TMEM178B: variants seen among roughly 807,000 people sequenced by gnomAD.
TMEM178B encodes transmembrane protein 178B.
A neutral mutation model predicts 31.0 loss-of-function variants in TMEM178B; 5 were observed. The observed-to-expected ratio is 0.16, with a 90% CI of 0.08 to 0.34. TMEM178B has a LOEUF of 0.34. TMEM178B is among the 10% of genes least tolerant of loss of function. The pLI, the probability that TMEM178B is intolerant of heterozygous loss-of-function variation, is 1.00. For synonymous variants in TMEM178B, 164 were observed against 164.0 expected (o/e 1.00, Z 0.00); for missense variants, 275 against 400.3 (o/e 0.69, Z 2.67).
chr7:141,114,532 C>A (rs1333741017), intron 1 of TMEM178B, among the ~76,000 whole-genome samples: 4 of 152,254 alleles, frequency 2.6e-5, no homozygotes, highest in Admixed American at 1.3e-4. Context: ...AGCTGTCAGG[C>A]CAACACTTGA....
chr7:141,176,551 A>G (rs962122626), intron 1 of TMEM178B, among the ~76,000 whole-genome samples: 9 of 152,106 alleles, frequency 5.9e-5, no homozygotes, highest in Admixed American at 4.6e-4. Context: ...TCCTCTTTGT[A>G]CCTCTGGTAG....
chr7:141,184,362 A>G (rs10215563), intron 1 of TMEM178B, among the ~76,000 whole-genome samples: 7,827 of 152,110 alleles, frequency 0.051, 622 homozygotes, highest in African/African-American at 0.17. Flanking sequence ...GGGACCCTCA[A>G]ATTCTTCCCA....
At chr7:141,353,808 T>A (rs147159135) in intron 2 of TMEM178B, among the ~76,000 whole-genome samples, 8 of 152,340 alleles carry the variant, frequency 5.3e-5, no homozygotes, top group African/African-American at 1.9e-4. Context: ...ATGGAATGAA[T>A]TAAATCAAAC....
At chr7:141,188,999 A>G (rs941504227) in intron 1 of TMEM178B, among the ~76,000 whole-genome samples, 9 of 152,236 alleles carry the variant, frequency 5.9e-5, no homozygotes, top group African/African-American at 2.2e-4. Flanking sequence ...ATCAGGCCCA[A>G]ACCGAGGAGG....
chr7:141,113,727 A>G (rs956785213), intron 1 of TMEM178B, among the ~76,000 whole-genome samples: 3 of 152,196 alleles, frequency 2.0e-5, no homozygotes, highest in African/African-American at 7.2e-5. Context: ...TGGCATGCAC[A>G]TCATTACATG....
At chr7:141,231,360 C>G (rs1450939007) in intron 2 of TMEM178B, among the ~76,000 whole-genome samples, 1 of 150,932 alleles carries the variant, frequency 6.6e-6, no homozygotes, top group Non-Finnish European at 1.5e-5. Flanking sequence ...TGAAATTAAT[C>G]TACATTTTGC....
At chr7:141,506,213 C>T in the TMEM178B span, among the ~76,000 whole-genome samples, 1 of 152,252 alleles carries the variant, frequency 6.6e-6, no homozygotes, top group Non-Finnish European at 1.5e-5. Context: ...GTATTAGATA[C>T]TAGTTCCTAA....
chr7:141,438,693 T>TCCAA lies in TMEM178B; in HGVS notation c.634+948_634+949insCCAA, dbSNP rs1300542734. ...GGCCAGCTTGGTAAAACCCCGTCTC[T>TCCAA]ACTAAAAAAAAAAAAAAAAAAAAAA... On this transcript the variant is annotated intron_variant, in intron 3 of 3. Coordinates refer to ENST00000565468, the MANE Select transcript of TMEM178B (RefSeq NM_001195278.2). 1.7e-3 allele frequency among the ~76,000 whole-genome samples: 49 copies of TCCAA among 29,668 alleles called. 1 individual carries two copies. Among genetic ancestry groups the TCCAA allele is most frequent in the African/African-American group, 5.5e-3 (47 of 8,538 alleles). 19.5% of individuals were successfully genotyped at this position (29,668 alleles called of 152,430 possible).
chr7:141,470,805 CAT>C lies in TMEM178B; in HGVS notation c.*31_*32del, dbSNP rs576046812. On this transcript the variant is annotated 3_prime_UTR_variant, in exon 4 of 4. Coordinates refer to ENST00000565468, the MANE Select transcript of TMEM178B (RefSeq NM_001195278.2). Reference sequence around the variant, plus strand: ...GTGCTAAAAAACAAACCCATACATACATATATATATATAAATATATATATATA... The same window carrying C: ...GTGCTAAAAAACAAACCCATACATACATATATATATAAATATATATATATA... 333 of 1,102,642 alleles carry C rather than the reference CAT, an allele frequency of 3.0e-4. No homozygotes were observed. Among genetic ancestry groups the C allele is most frequent in the Middle Eastern group, 4.9e-4 (2 of 4,044 alleles). The allele number at this position is 1,102,642 out of a possible 1,614,324, so 68.3% of individuals were successfully genotyped here.
At chr7:141,227,045 C>CTGAG (rs1436822226) in intron 2 of TMEM178B, among the ~76,000 whole-genome samples, 4 of 152,106 alleles carry the variant, frequency 2.6e-5, no homozygotes, top group Admixed American at 2.6e-4. Flanking sequence ...CCTTAGTGCC[C>CTGAG]AGTGTGGACT....
chr7:141,505,817 G>A, the TMEM178B span, among the ~76,000 whole-genome samples: 1 of 152,200 alleles, frequency 6.6e-6, no homozygotes, highest in Non-Finnish European at 1.5e-5. Context: ...GAATTTCCAA[G>A]TACACTCTTC....
Position 141,470,741 on chromosome 7 carries a change from G to A in TMEM178B, c.840G>A (p.Arg280=), listed in dbSNP as rs1196845417. The A allele has an allele frequency of 1.3e-6, 2 of 1,531,756 alleles. No homozygotes were observed. Among genetic ancestry groups the A allele is most frequent in the Admixed American group, 4.0e-5 (2 of 50,376 alleles). 94.9% of individuals were successfully genotyped at this position (1,531,756 alleles called of 1,614,324 possible). Residue 280 remains arginine (R), a synonymous_variant, in exon 4 of 4, where the codon AGG becomes AGA. Transcript: ENST00000565468. Reference sequence around the variant, plus strand: ...CCCCTTCTGTTCAACCTGTCCCGAGGACCAACTACCCTAAATCCAGACCCG... The same window carrying A: ...CCCCTTCTGTTCAACCTGTCCCGAGAACCAACTACCCTAAATCCAGACCCG... ...TLAPSVQPVP[R]TNYPKSRPEN... is the part of the protein sequence containing the mutation.
chr7:141,254,721 A>AAAAC (rs758583797), intron 2 of TMEM178B, among the ~76,000 whole-genome samples: 8 of 152,282 alleles, frequency 5.3e-5, no homozygotes, highest in South Asian at 2.1e-4. Context: ...GACTTCGTCT[A>AAAAC]AAACAAACAA....
At chr7:141,324,416 GTTTTTTTTTTTTTTTTTTTTTTT>G (rs56316531) in intron 2 of TMEM178B, among the ~76,000 whole-genome samples, 4,528 of 85,832 alleles carry the variant, frequency 0.053, 198 homozygotes, top group Middle Eastern at 0.097. Context: ...GGAGACCAGG[GTTTTTTTTTTTTTTTTTTTTTTT>G]TTTTTTTTTT....
At chr7:141,253,287 T>C (rs1036829589) in intron 2 of TMEM178B, among the ~76,000 whole-genome samples, 1 of 152,168 alleles carries the variant, frequency 6.6e-6, no homozygotes, top group Non-Finnish European at 1.5e-5. Context: ...CCTTAAACTC[T>C]TTCCCGTTAA....
intron 2 of TMEM178B, among the ~76,000 whole-genome samples, chr7:141,431,925 A>G (rs978549151): frequency 2.6e-5 from 4 of 152,188 alleles, no homozygotes; most frequent in African/African-American, 4.8e-5. Context: ...GCAGGAATAC[A>G]TGCACAGGCC....
At chr7:141,349,939 CCATCCATG>C (rs1241253800) in intron 2 of TMEM178B, among the ~76,000 whole-genome samples, 12 of 151,008 alleles carry the variant, frequency 7.9e-5, no homozygotes, top group East Asian at 3.9e-4. Flanking sequence ...ATCCATGCAT[CCATCCATG>C]CATCCATGCA....
At chr7:141,095,601 C>T (rs1794947550) in intron 1 of TMEM178B, among the ~76,000 whole-genome samples, 1 of 152,136 alleles carries the variant, frequency 6.6e-6, no homozygotes, top group Non-Finnish European at 1.5e-5. Context: ...TTTGGTCGCC[C>T]ATTTGCTTTC....
chr7:141,202,091 C>T (rs1302043423), intron 1 of TMEM178B, among the ~76,000 whole-genome samples: 2 of 152,062 alleles, frequency 1.3e-5, no homozygotes, highest in African/African-American at 4.8e-5. Context: ...TAATAATGCA[C>T]CTTTTAGCAT....
Sources: allele counts gnomAD v4.1 joint callset (sites outside exome capture counted in the v4.1 genomes callset), GRCh38; gene constraint gnomAD v4.1.1; transcripts MANE v1.5; gene names NCBI Gene and HGNC (gene_info 2026-07-23, HGNC 2026-07-21).